CCDC136: variants seen among roughly 807,000 people sequenced by gnomAD.
CCDC136 encodes the protein coiled-coil domain-containing protein 136.
In CCDC136, 100 loss-of-function variants were observed where a neutral mutation model predicts 141.2. The ratio of observed to expected loss-of-function variants is 0.71; its 90% CI spans 0.60 to 0.84. The LOEUF (loss-of-function observed/expected upper bound fraction) is 0.84, where lower values mean the gene tolerates loss of function less well. Ranked by LOEUF, CCDC136 falls within the 40% of genes least tolerant of loss-of-function variation. CCDC136 has a pLI of 0.00. For missense variants in CCDC136, 1,206 were observed against 1,379.4 expected, an observed-to-expected ratio of 0.87 and a Z score of 1.99; for synonymous variants, 474 against 531.9, an observed-to-expected ratio of 0.89 and a Z score of 1.50.
At chr7:128,791,513 C>A, upstream of CCDC136, 2 of 1,295,066 alleles carry the variant, frequency 1.5e-6, no homozygotes, top group South Asian at 2.5e-5. The surrounding 1 kb of genome is among the most constrained non-coding windows in gnomAD (Gnocchi z 7.1). Flanking sequence ...GGCGCCGGAG[C>A]CGGCGCGGGA....
At chr7:128,795,060 C>T (rs1057010438) in intron 3 of CCDC136, among the ~76,000 whole-genome samples, 3 of 152,118 alleles carry the variant, frequency 2.0e-5, no homozygotes, top group Non-Finnish European at 2.9e-5. Flanking sequence ...CCCCTTCAGC[C>T]TCCTCCTTCA....
intron 3 of CCDC136, 93 bp from the exon 4 acceptor site, chr7:128,801,093 C>A: frequency 1.1e-6 from 1 of 885,942 alleles, no homozygotes; most frequent in Non-Finnish European, 1.7e-6. Context: ...ACTTTGCAGA[C>A]AAGAAATAAG....
intron 17 of CCDC136, among the ~76,000 whole-genome samples, chr7:128,819,323 G>A (rs1807121229): frequency 6.6e-6 from 1 of 152,246 alleles, no homozygotes; most frequent in Non-Finnish European, 1.5e-5. Context: ...GGAGCACAGT[G>A]TGGTAGAAAG....
At chr7:128,800,209 CTTT>C (rs1457954963) in intron 3 of CCDC136, among the ~76,000 whole-genome samples, 1 of 152,172 alleles carries the variant, frequency 6.6e-6, no homozygotes, top group Non-Finnish European at 1.5e-5. Context: ...ATGGAAACTT[CTTT>C]GTTTTCACCA....
In CCDC136 at chr7:128,792,051, C is replaced by A; in HGVS notation, c.-361C>A. The A allele has an allele frequency of 7.8e-7, 1 of 1,276,386 alleles. No individual in the cohort carries two copies. The highest frequency in any genetic ancestry group is 9.9e-7 in the Non-Finnish European group (1 of 1,009,590). The allele number at this position is 1,276,386 out of a possible 1,614,324, so 79.1% of individuals were successfully genotyped here. A position where few individuals can be genotyped will look rare whatever the true frequency, so the allele number is the denominator to read the frequency against. On this transcript the variant is annotated 5_prime_UTR_variant, in exon 1 of 18. Coordinates refer to ENST00000297788, the MANE Select transcript of CCDC136 (RefSeq NM_022742.5). ...TCAGTCTTGGCCCTCTCCTCCCTGT[C>A]CCCCCGGACTAAATACGCACACCCC...
chr7:128,816,835 T>C (rs376740195), intron 16 of CCDC136, among the ~76,000 whole-genome samples: 15 of 152,310 alleles, frequency 9.8e-5, no homozygotes, highest in African/African-American at 3.6e-4. Flanking sequence ...CCTCTTGTGG[T>C]GGGATTATCC....
Position 128,814,786 on chromosome 7 carries a change from G to C in CCDC136, c.2912G>C (p.Arg971Thr). 6.2e-7 allele frequency: 1 copy of C among 1,613,178 alleles called. No homozygotes were observed. Among genetic ancestry groups the C allele is most frequent in the Admixed American group, 1.7e-5 (1 of 59,838 alleles). ...QEELRQLREKRPSVVKEARGK... is the reference protein window; with the variant it reads ...QEELRQLREKTPSVVKEARGK... Reference sequence around the variant, plus strand: ...GAGCTCCGCCAGCTCAGGGAGAAGAGGCCTTCTGTTGTCAAAGAAGCCCGG... The same window carrying C: ...GAGCTCCGCCAGCTCAGGGAGAAGACGCCTTCTGTTGTCAAAGAAGCCCGG... Residue 971 changes from arginine (R) to threonine (T), a missense_variant, in exon 15 of 18, where the codon AGG (arginine) becomes ACG (threonine). By Grantham distance (71) the Arg-to-Thr change is moderately conservative (BLOSUM62 -1). Coordinates refer to ENST00000297788, the MANE Select transcript of CCDC136 (RefSeq NM_022742.5).
chr7:128,810,867 G>A (rs1410925096), intron 12 of CCDC136, among the ~76,000 whole-genome samples: 2 of 152,138 alleles, frequency 1.3e-5, no homozygotes, highest in Non-Finnish European at 2.9e-5. Context: ...TAGCATATGG[G>A]GTTCTTAGTA....
chr7:128,804,939 AC>A (rs1227345948), intron 5 of CCDC136, among the ~76,000 whole-genome samples, 178 bp downstream of exon 5: 2 of 152,188 alleles, frequency 1.3e-5, no homozygotes, highest in Admixed American at 6.5e-5. Context: ...TGGGGATCCG[AC>A]CCAATTATCT....
chr7:128,818,020 T>A, intron 17 of CCDC136, 156 bp downstream of exon 17: 1 of 625,480 alleles, frequency 1.6e-6, no homozygotes, highest in Non-Finnish European at 2.9e-6. Context: ...TGACTTTTCC[T>A]TGGGCTACTG....
chr7:128,812,780 G>A lies in CCDC136; in HGVS notation c.2614G>A (p.Glu872Lys). 6.2e-7 allele frequency: 1 copy of A among 1,613,610 alleles called. No homozygotes were observed. The highest frequency in any genetic ancestry group is 8.5e-7 in the Non-Finnish European group (1 of 1,179,840). ...GCAGGCCATGTACCAGATAAGCCAG[G>A]AGGAACACAGCCAGCTGCAAGAGCA... ...AVQAMYQISQ[E>K]EHSQLQEQME... is the part of the protein sequence containing the mutation. The change falls in exon 14 of 18, where the codon GAG (glutamate) becomes AAG (lysine). Residue 872 changes from glutamate (E) to lysine (K), a missense_variant. Physicochemically the swap from Glu to Lys is moderately conservative, Grantham distance 56 (BLOSUM62 1). Coordinates refer to ENST00000297788, the MANE Select transcript of CCDC136 (RefSeq NM_022742.5).
At chr7:128,791,463 AGGGAGGCGGAAGGCGGCGGC>A (rs1453652632), upstream of CCDC136, 29 of 1,316,048 alleles carry the variant, frequency 2.2e-5, no homozygotes, top group Non-Finnish European at 2.7e-5. This position sits in a 1 kb window ranked among gnomAD's most constrained non-coding sequence, Gnocchi z 7.1. Flanking sequence ...GCTTCTGCTC[AGGGAGGCGGAAGGCGGCGGC>A]GGGAGCGGTC....
chr7:128,814,850 T>C lies in CCDC136; in HGVS notation c.2976T>C (p.Asn992=), dbSNP rs750348592. 1.2e-6 allele frequency: 2 copies of C among 1,609,336 alleles called. No homozygotes were observed. The highest frequency in any genetic ancestry group is 1.7e-6 in the Non-Finnish European group (2 of 1,177,858). ...NANKNMNKNA[N]GVKMKKVTKP... ...ATAAGAACATGAACAAGAATGCCAA[T>C]GGGGTTAAAATGAAAAAGGTGACCA... is the stretch of plus-strand genomic sequence containing the variant. Residue 992 remains asparagine, a synonymous_variant, in exon 15 of 18, where the codon AAT becomes AAC. Coordinates refer to ENST00000297788, the MANE Select transcript of CCDC136 (RefSeq NM_022742.5).
chr7:128,810,400 C>T (rs779974260), intron 12 of CCDC136, 34 bp downstream of exon 12: 4 of 1,464,414 alleles, frequency 2.7e-6, no homozygotes, highest in Non-Finnish European at 3.8e-6. Flanking sequence ...GACAGTTCTC[C>T]TGAGCACAAC....
Position 128,817,860 on chromosome 7 carries a change from T to A in CCDC136, c.*1T>A. ...CTGGTGGGCTGAGACGTCGTCCTAATGCAGGTACTGGTATTGCTTCCTCTC... is the reference window on the plus strand; with the variant it reads ...CTGGTGGGCTGAGACGTCGTCCTAAAGCAGGTACTGGTATTGCTTCCTCTC... On this transcript the variant is annotated 3_prime_UTR_variant, in exon 17 of 18. Coordinates refer to ENST00000297788, the MANE Select transcript of CCDC136 (RefSeq NM_022742.5). This position sits in a 1 kb window ranked among gnomAD's most constrained non-coding sequence, Gnocchi z 4.6. The A allele has an allele frequency of 6.2e-7, 1 of 1,612,172 alleles. No homozygotes were observed.
At position 128,805,913 on chromosome 7, in the gene CCDC136, C is replaced by T. The variant is rs1235170468; in HGVS notation, c.1089+12C>T. ...ACAGTGTCACCCAGGTAAACACTGC[C>T]CGGGGAGGCATCTGGGGTGGGGGCA... On this transcript the variant is annotated intron_variant, in intron 7 of 17. Transcript: ENST00000297788. This position sits in a 1 kb window ranked among gnomAD's most constrained non-coding sequence, Gnocchi z 4.6. The T allele has an allele frequency of 6.2e-7, 1 of 1,613,440 alleles. No homozygotes were observed. Among genetic ancestry groups the T allele is most frequent in the African/African-American group, 1.3e-5 (1 of 74,884 alleles).
chr7:128,791,431 G>A (rs912774112), upstream of CCDC136: 5 of 1,219,972 alleles, frequency 4.1e-6, no homozygotes, highest in Admixed American at 3.9e-5. This position sits in a 1 kb window ranked among gnomAD's most constrained non-coding sequence, Gnocchi z 7.1. Flanking sequence ...ACCCGGCTCG[G>A]GTCCCCGGGC....
At chr7:128,808,127 C>G (rs1805151697) in intron 10 of CCDC136, among the ~76,000 whole-genome samples, 1 of 152,208 alleles carries the variant, frequency 6.6e-6, no homozygotes. Context: ...GCCTCCGCCT[C>G]CTGGGTTCAA....
chr7:128,807,371 G>T lies in CCDC136; in HGVS notation c.1431G>T (p.Thr477=). ...FKESNEKDTE[T]HAQLQEMKQL... Reference sequence around the variant, plus strand: ...CCTCCCCTGCCCAGGACACAGAGACGCACGCTCAGCTTCAGGAGATGAAGC... The same window carrying T: ...CCTCCCCTGCCCAGGACACAGAGACTCACGCTCAGCTTCAGGAGATGAAGC... Residue 477 remains threonine (T), a synonymous_variant, in exon 10 of 18, where the codon ACG becomes ACT. Transcript: ENST00000297788. 6.5e-7 allele frequency: 1 copy of T among 1,539,710 alleles called. No homozygotes were observed. Among genetic ancestry groups the T allele is most frequent in the Non-Finnish European group, 8.8e-7 (1 of 1,142,746 alleles).
Sources: allele counts gnomAD v4.1 joint callset (sites outside exome capture counted in the v4.1 genomes callset), GRCh38; gene constraint gnomAD v4.1.1; non-coding constraint Gnocchi (gnomAD v3.1); transcripts MANE v1.5; gene names NCBI Gene and HGNC (gene_info 2026-07-23, HGNC 2026-07-21).